DENND1B: variants seen among roughly 807,000 people sequenced by gnomAD.
DENND1B encodes DENN domain containing 1B.
Under a neutral mutation model 90.1 loss-of-function variants are expected in DENND1B, and 59 were observed. That is an observed-to-expected ratio of 0.65 (90% CI 0.53 to 0.81). The LOEUF is 0.81. Among genes scored for constraint, DENND1B ranks in the 40% least tolerant of loss-of-function variants. The pLI is 0.00. For synonymous variants in DENND1B, 337 were observed against 324.6 expected (o/e 1.04, Z -0.41); for missense variants, 862 against 912.6 (o/e 0.94, Z 0.71).
Position 197,584,538 on chromosome 1 carries a change from A to AAACAAAAT in DENND1B, c.1048-1293_1048-1286dup, listed in dbSNP as rs1674524196. 2.0e-5 allele frequency among the ~76,000 whole-genome samples: 3 copies of AAACAAAAT among 152,354 alleles called. No individual in the cohort carries two copies. The East Asian group carries it at 5.8e-4, about 29-fold the overall frequency. ...GGATAGCACTGCTATAGAAAAAAGA[A>AAACAAAAT]AACAAAATTCAAACAAATTATTAAA... is the stretch of plus-strand genomic sequence containing the variant. On this transcript the variant is annotated intron_variant, in intron 14 of 22. Coordinates refer to ENST00000620048, the MANE Select transcript of DENND1B (RefSeq NM_001195215.2).
At chr1:197,736,867 CT>C (rs1169734280) in intron 2 of DENND1B, among the ~76,000 whole-genome samples, 3 of 152,124 alleles carry the variant, frequency 2.0e-5, no homozygotes, top group Non-Finnish European at 4.4e-5. Flanking sequence ...AAACAGCTTC[CT>C]TTTTATTTGC....
intron 18 of DENND1B, among the ~76,000 whole-genome samples, chr1:197,544,153 G>T (rs772138797): frequency 1.4e-4 from 22 of 152,118 alleles, no homozygotes; most frequent in African/African-American, 4.8e-4. Context: ...ACAAAAATAC[G>T]TATATAAACA....
At chr1:197,539,441 T>A (rs995419826) in intron 20 of DENND1B, among the ~76,000 whole-genome samples, 1 of 152,178 alleles carries the variant, frequency 6.6e-6, no homozygotes, top group Admixed American at 6.6e-5. Flanking sequence ...CAGGAACACT[T>A]ATAGCTATGA....
At chr1:197,776,928 A>C (rs1657300645), upstream of DENND1B, among the ~76,000 whole-genome samples, 1 of 152,180 alleles carries the variant, frequency 6.6e-6, no homozygotes, top group Non-Finnish European at 1.5e-5. Context: ...TATTACTTGT[A>C]CATCACATGA....
chr1:197,645,609 A>G (rs1680658786), intron 9 of DENND1B, 81 bp downstream of exon 9: 1 of 726,742 alleles, frequency 1.4e-6, no homozygotes. Flanking sequence ...ATTTCTCTAT[A>G]TAAAAACGCA....
chr1:197,541,107 A>G lies in DENND1B; in HGVS notation c.1351-92T>C, dbSNP rs988560907. 3.7e-6 allele frequency: 4 copies of G among 1,091,702 alleles called. No individual in the cohort carries two copies. The African/African-American group carries it at 6.4e-5, about 17-fold the overall frequency. The allele number at this position is 1,091,702 out of a possible 1,614,324, so 67.6% of individuals were successfully genotyped here. A position where few individuals can be genotyped will look rare whatever the true frequency, so the allele number is the denominator to read the frequency against. The stretch of plus-strand genomic sequence containing the variant: ...AAGATCAAATTTAATGACAATTACT[A>G]AATATTCATATGATTTAGAAAAAGA... On this transcript the variant is annotated intron_variant, in intron 18 of 22. Transcript: ENST00000620048.
chr1:197,527,319 T>G lies in DENND1B; in HGVS notation c.1515+12645A>C, dbSNP rs568859940. The stretch of plus-strand genomic sequence containing the variant: ...ACTTGAAGGTTTTTTTTTGTTTTTG[T>G]TTTTTTTCTGAGGCAGAGTTTGGCA... On this transcript the variant is annotated intron_variant, in intron 20 of 22. Transcript: ENST00000620048. 2.5e-4 allele frequency among the ~76,000 whole-genome samples: 37 copies of G among 149,310 alleles called. 1 individual carries two copies. The highest frequency in any genetic ancestry group is 1.1e-3 in the South Asian group (5 of 4,728).
intron 10 of DENND1B, among the ~76,000 whole-genome samples, chr1:197,632,019 C>T (rs900520807): frequency 1.3e-5 from 2 of 152,182 alleles, no homozygotes; most frequent in East Asian, 1.9e-4. Context: ...AAGACTCTTG[C>T]CTGGAAATGT....
chr1:197,781,653 A>G, the DENND1B span, among the ~76,000 whole-genome samples: 1 of 152,178 alleles, frequency 6.6e-6, no homozygotes, highest in Non-Finnish European at 1.5e-5. Flanking sequence ...TTCGGGATCA[A>G]TATCTTCCCT....
intron 5 of DENND1B, among the ~76,000 whole-genome samples, chr1:197,668,640 T>C (rs1221713888): frequency 6.6e-6 from 1 of 151,542 alleles, no homozygotes; most frequent in Non-Finnish European, 1.5e-5. Context: ...CTTGAAAACA[T>C]TGTTTTCAAG....
At chr1:197,605,572 T>G (rs984943902) in intron 13 of DENND1B, 1 of 151,050 alleles carries the variant, frequency 6.6e-6, no homozygotes, top group Admixed American at 6.6e-5. Flanking sequence ...TTCTTAAAAG[T>G]TGGGATTCTA....
At chr1:197,736,015 A>G (rs1001145611) in intron 2 of DENND1B, 15 of 993,010 alleles carry the variant, frequency 1.5e-5, no homozygotes, top group Non-Finnish European at 2.2e-5. Context: ...AAACACTGCA[A>G]TGGCTGCTGT....
At chr1:197,691,861 A>G (rs147568820) in intron 3 of DENND1B, among the ~76,000 whole-genome samples, 6 of 152,072 alleles carry the variant, frequency 3.9e-5, no homozygotes, top group African/African-American at 1.2e-4. Flanking sequence ...GCCAGTCTCA[A>G]AAAGACAAAT....
chr1:197,765,813 A>T (rs1655628838), intron 2 of DENND1B, among the ~76,000 whole-genome samples: 1 of 152,244 alleles, frequency 6.6e-6, no homozygotes, highest in South Asian at 2.1e-4. Context: ...AACAAATGAA[A>T]GCACCTAATG....
chr1:197,510,963 T>C lies in DENND1B; in HGVS notation c.1825A>G (p.Asn609Asp). The C allele has an allele frequency of 1.3e-6, 2 of 1,507,282 alleles. No homozygotes were observed. 93.4% of individuals were successfully genotyped at this position (1,507,282 alleles called of 1,614,324 possible). The change falls in exon 23 of 23, where the codon AAT (asparagine) becomes GAT (aspartate). Residue 609 changes from asparagine (N) to aspartate (D), a missense_variant. By Grantham distance (23) the Asn-to-Asp change is conservative. Coordinates refer to ENST00000620048, the MANE Select transcript of DENND1B (RefSeq NM_001195215.2). ...DIDYKPTNKS[N>D]APSENNLAFL... ...GCCAGGTTATTCTCACTAGGAGCAT[T>C]AGATTTATTCTGAAAAAAAGAAGAA...
At chr1:197,703,245 C>T (rs1378188999) in intron 3 of DENND1B, among the ~76,000 whole-genome samples, 1 of 151,188 alleles carries the variant, frequency 6.6e-6, no homozygotes, top group Non-Finnish European at 1.5e-5. Flanking sequence ...CCTAGGCCTC[C>T]AAAGTGCTGG....
chr1:197,537,993 C>A (rs1198022154), intron 20 of DENND1B, among the ~76,000 whole-genome samples: 4 of 151,650 alleles, frequency 2.6e-5, no homozygotes, highest in Non-Finnish European at 5.9e-5. Context: ...TTACTTTAGA[C>A]CCTATAAATT....
chr1:197,550,803 T>C (rs1671171043), intron 16 of DENND1B, among the ~76,000 whole-genome samples: 1 of 150,804 alleles, frequency 6.6e-6, no homozygotes, highest in East Asian at 1.9e-4. Context: ...CCTAAAACTT[T>C]AATTAAAAAA....
At chr1:197,574,626 A>G (rs1673489201) in intron 15 of DENND1B, among the ~76,000 whole-genome samples, 1 of 152,214 alleles carries the variant, frequency 6.6e-6, no homozygotes, top group Admixed American at 6.5e-5. Flanking sequence ...AAGAGCGCGC[A>G]TTGCCAAGAC....
Sources: allele counts gnomAD v4.1 joint callset (sites outside exome capture counted in the v4.1 genomes callset), GRCh38; gene constraint gnomAD v4.1.1; transcripts MANE v1.5; gene names NCBI Gene and HGNC (gene_info 2026-07-23, HGNC 2026-07-21).